The following ZFAT variants were observed in gnomAD, a reference collection of about 807,000 sequenced individuals.
The protein encoded by ZFAT is zinc finger protein ZFAT.
Under a neutral mutation model 117.7 loss-of-function variants are expected in ZFAT, and 64 were observed. That is an observed-to-expected ratio of 0.54 (90% CI 0.44 to 0.67). ZFAT has a LOEUF of 0.67. Among genes scored for constraint, ZFAT ranks in the 30% least tolerant of loss-of-function variants. The pLI is 0.00. For synonymous variants in ZFAT, 679 were observed against 615.0 expected, an observed-to-expected ratio of 1.10 and a Z score of -1.54; for missense variants, 1,433 against 1,584.5, an observed-to-expected ratio of 0.90 and a Z score of 1.62.
chr8:134,799,859 A>AC, the ZFAT span, among the ~76,000 whole-genome samples: 2 of 152,190 alleles, frequency 1.3e-5, no homozygotes, highest in Non-Finnish European at 2.9e-5. Context: ...TTTACTGAAC[A>AC]CCTACAACAC....
chr8:134,611,819 T>C (rs1458361721), intron 3 of ZFAT, among the ~76,000 whole-genome samples: 1 of 152,226 alleles, frequency 6.6e-6, no homozygotes, highest in African/African-American at 2.4e-5. Context: ...CGGGAAGGGC[T>C]GGATTATATT....
At chr8:134,640,373 G>A (rs998842384) in intron 2 of ZFAT, among the ~76,000 whole-genome samples, 2 of 152,164 alleles carry the variant, frequency 1.3e-5, no homozygotes, top group Non-Finnish European at 2.9e-5. Context: ...TTAAGCTTGA[G>A]TTTGGCAAAC....
intron 13 of ZFAT, among the ~76,000 whole-genome samples, chr8:134,513,347 A>G (rs1041244615): frequency 1.3e-5 from 2 of 152,090 alleles, no homozygotes; most frequent in African/African-American, 4.8e-5. Context: ...ACAGGCACGC[A>G]CCACCACACC....
chr8:134,749,710 G>A, the ZFAT span, among the ~76,000 whole-genome samples: 1,392 of 152,186 alleles, frequency 9.1e-3, 55 homozygotes, highest in Admixed American at 0.076. Flanking sequence ...AACAATTTCC[G>A]GTTGTTCCAT....
chr8:134,557,292 A>G (rs1004913974), intron 11 of ZFAT, among the ~76,000 whole-genome samples: 2 of 152,236 alleles, frequency 1.3e-5, no homozygotes, highest in African/African-American at 4.8e-5. Context: ...ATCCCTCAAA[A>G]CTTCCAAGGT....
At position 134,590,329 on chromosome 8, in the gene ZFAT, A is replaced by G. The variant is rs1361894023; in HGVS notation, c.2502T>C (p.Val834=). The change falls in exon 8 of 16, where the codon GTT becomes GTC. Residue 834 remains valine, a synonymous_variant. Transcript: ENST00000377838. ...ALDKRSYSCP[V]CEKSFSEDRL... ...GATCCTCTGAAAAAGACTTTTCACA[A>G]ACAGGACAAGAATAACTCCTTTTGT... 6.2e-7 allele frequency: 1 copy of G among 1,613,314 alleles called. No individual in the cohort carries two copies. Among genetic ancestry groups the G allele is most frequent in the South Asian group, 1.1e-5 (1 of 91,064 alleles).
chr8:134,731,554 G>T, the ZFAT span, among the ~76,000 whole-genome samples: 6 of 152,172 alleles, frequency 3.9e-5, no homozygotes, highest in Non-Finnish European at 7.3e-5. Context: ...AATGGGCATG[G>T]CTGTGTTTCA....
At chr8:134,499,110 C>T (rs1178488143) in intron 15 of ZFAT, among the ~76,000 whole-genome samples, 1 of 103,896 alleles carries the variant, frequency 9.6e-6, no homozygotes, top group Admixed American at 1.1e-4. Context: ...GGGATGCCCC[C>T]GTTGCTGGTT....
At chr8:134,721,270 G>A in the ZFAT span, among the ~76,000 whole-genome samples, 243 of 152,306 alleles carry the variant, frequency 1.6e-3, 1 homozygote, top group African/African-American at 5.5e-3. Flanking sequence ...ACCAGTCAGC[G>A]TGCTGCTGAG....
At chr8:134,790,162 G>C in the ZFAT span, among the ~76,000 whole-genome samples, 1 of 152,172 alleles carries the variant, frequency 6.6e-6, no homozygotes, top group Non-Finnish European at 1.5e-5. Context: ...ACTAATAGCA[G>C]AGTAACACAT....
At chr8:134,775,720 A>C in the ZFAT span, among the ~76,000 whole-genome samples, 2 of 152,176 alleles carry the variant, frequency 1.3e-5, no homozygotes, top group African/African-American at 4.8e-5. Context: ...TTGCTTTAAA[A>C]ATTTTTGTAT....
At chr8:134,513,641 T>C (rs947292506) in intron 13 of ZFAT, among the ~76,000 whole-genome samples, 4 of 152,124 alleles carry the variant, frequency 2.6e-5, no homozygotes, top group African/African-American at 9.7e-5. Flanking sequence ...GAACTAGATG[T>C]TAATAATTAT....
At chr8:134,646,877 T>C (rs902158466) in intron 2 of ZFAT, among the ~76,000 whole-genome samples, 5 of 151,980 alleles carry the variant, frequency 3.3e-5, no homozygotes, top group Non-Finnish European at 7.4e-5. Context: ...AATAGATCAA[T>C]AACAAGTTAG....
intron 11 of ZFAT, among the ~76,000 whole-genome samples, chr8:134,547,223 C>T (rs532209984): frequency 1.3e-5 from 2 of 152,188 alleles, no homozygotes; most frequent in Non-Finnish European, 2.9e-5. Flanking sequence ...TCTCCTTGGC[C>T]GCTGGAGCAC....
At chr8:134,494,077 G>A (rs1472400406) in intron 15 of ZFAT, among the ~76,000 whole-genome samples, 1 of 152,082 alleles carries the variant, frequency 6.6e-6, no homozygotes, top group Non-Finnish European at 1.5e-5. Flanking sequence ...TTGATTTAGT[G>A]CCAGGCCTGG....
chr8:134,831,524 G>A, the ZFAT span, among the ~76,000 whole-genome samples: 7 of 152,226 alleles, frequency 4.6e-5, no homozygotes, highest in Non-Finnish European at 1.0e-4. Context: ...GGCCGGTCCA[G>A]CCTGGCTTCA....
chr8:134,656,219 C>T (rs373323188), intron 2 of ZFAT, among the ~76,000 whole-genome samples: 1 of 152,162 alleles, frequency 6.6e-6, no homozygotes, highest in African/African-American at 2.4e-5. Context: ...GCAAACTTTC[C>T]TCCTCTACCC....
the ZFAT span, among the ~76,000 whole-genome samples, chr8:134,778,519 C>T: frequency 1.3e-5 from 2 of 152,224 alleles, no homozygotes; most frequent in South Asian, 4.1e-4. Context: ...GTCAGTCTAT[C>T]CGTTCATCAA....
intron 11 of ZFAT, among the ~76,000 whole-genome samples, chr8:134,561,571 T>C (rs1824052070): frequency 6.6e-6 from 1 of 152,224 alleles, no homozygotes; most frequent in Non-Finnish European, 1.5e-5. Context: ...AAAATAAGTA[T>C]ACAAATAAGA....
Sources: allele counts gnomAD v4.1 joint callset (sites outside exome capture counted in the v4.1 genomes callset), GRCh38; gene constraint gnomAD v4.1.1; transcripts MANE v1.5; gene names NCBI Gene and HGNC (gene_info 2026-07-23, HGNC 2026-07-21).